The following OBSL1 variants were observed in gnomAD, a reference collection of about 807,000 sequenced individuals.
OBSL1 encodes the protein obscurin like cytoskeletal adaptor 1.
OBSL1 carries 160 observed loss-of-function variants against 172.0 expected under a neutral mutation model. The observed-to-expected ratio is 0.93, with a 90% CI of 0.82 to 1.06. The LOEUF (loss-of-function observed/expected upper bound fraction) is 1.06. OBSL1 is among the 50% of genes least tolerant of loss of function. The pLI is 0.00. For synonymous variants in OBSL1, 1,200 were observed against 1,196.3 expected, an observed-to-expected ratio of 1.00 and a Z score of -0.06; for missense variants, 2,681 against 2,715.4, an observed-to-expected ratio of 0.99 and a Z score of 0.28.
chr2:219,554,059 G>A (rs754022535), intron 15 of OBSL1, among the ~76,000 whole-genome samples: 1 of 152,008 alleles, frequency 6.6e-6, no homozygotes, highest in Non-Finnish European at 1.5e-5. Flanking sequence ...TAGTGATGTC[G>A]CCCGTAGGCA....
intron 5 of OBSL1, among the ~76,000 whole-genome samples, chr2:219,566,195 C>T (rs979323255): frequency 6.6e-6 from 1 of 152,216 alleles, no homozygotes; most frequent in Non-Finnish European, 1.5e-5. Context: ...GCCTGGCCAA[C>T]ATGGCGAAGC....
At chr2:219,570,113 A>ACCTCT in intron 1 of OBSL1, 108 bp downstream of exon 1, 1 of 991,172 alleles carries the variant, frequency 1.0e-6, no homozygotes, top group East Asian at 2.8e-5. Flanking sequence ...CCCGCGGACC[A>ACCTCT]CCTCTCCTCC....
At position 219,565,511 on chromosome 2, in the gene OBSL1, C is replaced by T. The variant is rs1332083236; in HGVS notation, c.2138G>A (p.Ser713Asn). Residue 713 changes from serine (S) to asparagine (N), a missense_variant, in exon 6 of 21, where the codon AGC (serine) becomes AAC (asparagine). Coordinates refer to ENST00000404537, the MANE Select transcript of OBSL1 (RefSeq NM_015311.3). ...QDSAALTIQE[S>N]PVHILSPQDR... ...CTGGGGGCTCAGGATGTGCACCGGG[C>T]TCTCTGTGTGGGGAGAAGTACAGAT... The T allele has an allele frequency of 1.2e-6, 2 of 1,605,788 alleles. No individual in the cohort carries two copies. Among genetic ancestry groups the T allele is most frequent in the African/African-American group, 1.3e-5 (1 of 75,040 alleles).
chr2:219,568,371 C>T lies in OBSL1; in HGVS notation c.1013-47G>A. The T allele has an allele frequency of 6.5e-7, 1 of 1,541,312 alleles. No homozygotes were observed. The highest frequency in any genetic ancestry group is 1.2e-5 in the South Asian group (1 of 83,166). On this transcript the variant is annotated intron_variant, in intron 1 of 20. Transcript: ENST00000404537. This position sits in a 1 kb window ranked among gnomAD's most constrained non-coding sequence, Gnocchi z 4.1. ...ACAAGAGAGGGCTCTGGAGAAGGCC[C>T]AGACTAGGAGTAGGATACCTAGAAG...
At chr2:219,548,352 C>G (rs947125131), downstream of OBSL1, among the ~76,000 whole-genome samples, 3 of 152,226 alleles carry the variant, frequency 2.0e-5, no homozygotes, top group African/African-American at 7.2e-5. Context: ...GGATTCAAGG[C>G]AGGCAGGAGA....
chr2:219,570,470 A>T lies in OBSL1; in HGVS notation c.763T>A (p.Phe255Ile). 1 of 1,612,530 alleles carries T rather than the reference A, an allele frequency of 6.2e-7. No homozygotes were observed. Residue 255 changes from phenylalanine (F) to isoleucine (I), a missense_variant, in exon 1 of 21, where the codon TTC becomes ATC. This residue lies in a region of OBSL1 where 706 missense variants were observed against 695.8 expected (regional missense o/e 1.01). Coordinates refer to ENST00000404537, the MANE Select transcript of OBSL1 (RefSeq NM_015311.3). Reference protein sequence around the residue: ...VEPLKCAPKTFWVNEGKHAKF... With the variant: ...VEPLKCAPKTIWVNEGKHAKF... Reference sequence around the variant, plus strand: ...GCGTGCTTGCCCTCGTTCACCCAGAAGGTCTTAGGCGCGCACTTGAGCGGC... The same window carrying T: ...GCGTGCTTGCCCTCGTTCACCCAGATGGTCTTAGGCGCGCACTTGAGCGGC...
At chr2:219,566,335 C>T (rs903673734) in intron 5 of OBSL1, among the ~76,000 whole-genome samples, 3 of 151,546 alleles carry the variant, frequency 2.0e-5, no homozygotes, top group Admixed American at 1.3e-4. Flanking sequence ...GCCGAGATCG[C>T]GCCATTGCAC....
Position 219,562,388 on chromosome 2 carries a change from G to A in OBSL1, c.2953+14C>T. Reference sequence around the variant, plus strand: ...CTGTCTCTGTGACCCCGGGGAGCTGGGCTGGGCCCACACCTGTGACGGTGA... The same window carrying A: ...CTGTCTCTGTGACCCCGGGGAGCTGAGCTGGGCCCACACCTGTGACGGTGA... On this transcript the variant is annotated intron_variant, in intron 8 of 20. Coordinates refer to ENST00000404537, the MANE Select transcript of OBSL1 (RefSeq NM_015311.3). The A allele has an allele frequency of 6.2e-7, 1 of 1,611,094 alleles. No individual in the cohort carries two copies. The highest frequency in any genetic ancestry group is 2.2e-5 in the East Asian group (1 of 44,828).
At chr2:219,563,111 T>A in intron 7 of OBSL1, 1 of 519,906 alleles carries the variant, frequency 1.9e-6, no homozygotes, top group Non-Finnish European at 3.4e-6. Context: ...AGATTTCCCT[T>A]GGTACAGGTT....
At chr2:219,567,195 C>A in intron 4 of OBSL1, 69 bp from the exon 5 acceptor site, 2 of 1,571,292 alleles carry the variant, frequency 1.3e-6, no homozygotes, top group South Asian at 1.2e-5. Flanking sequence ...TGGCGGATGG[C>A]AAGCCTGTGA....
chr2:219,565,311 C>G lies in OBSL1; in HGVS notation c.2338G>C (p.Val780Leu). ...KHRLILPEAK[V>L]QDSGEFECRT... ...CACTCAAACTCGCCACTGTCCTGGA[C>G]TTTGGCCTCAGGCAGGATCAGACGG... is the stretch of plus-strand genomic sequence containing the variant. The change falls in exon 6 of 21, where the codon GTC (valine) becomes CTC (leucine). Residue 780 changes from valine (V) to leucine (L), a missense_variant. Physicochemically the swap from Val to Leu is conservative, Grantham distance 32. Around this residue, in one of 5 missense-constraint regions of OBSL1, gnomAD observed 1,765 missense variants for 1,748.3 expected, o/e 1.01. Transcript: ENST00000404537. The G allele has an allele frequency of 6.2e-7, 1 of 1,614,040 alleles. No individual in the cohort carries two copies. Among genetic ancestry groups the G allele is most frequent in the Non-Finnish European group, 8.5e-7 (1 of 1,179,890 alleles).
rs767727544 is a variant in OBSL1, at chr2:219,568,042, C to A, written c.1282+13G>T. Reference sequence around the variant, plus strand: ...TGCCTCCGCCTCAGCCTCTTCCCCACGGGCCAGCTGACCTTTGACTGTGAC... The same window carrying A: ...TGCCTCCGCCTCAGCCTCTTCCCCAAGGGCCAGCTGACCTTTGACTGTGAC... On this transcript the variant is annotated intron_variant, in intron 2 of 20. Coordinates refer to ENST00000404537, the MANE Select transcript of OBSL1 (RefSeq NM_015311.3). The surrounding 1 kb of genome is among the most constrained non-coding windows in gnomAD (Gnocchi z 4.1). The A allele has an allele frequency of 1.9e-6, 3 of 1,608,434 alleles. No individual in the cohort carries two copies. The highest frequency in any genetic ancestry group is 2.2e-5 in the East Asian group (1 of 44,710).
In OBSL1 at chr2:219,565,655, T is replaced by G. The variant is rs2106086319; in HGVS notation, c.2135-141A>C. On this transcript the variant is annotated intron_variant, in intron 5 of 20. Coordinates refer to ENST00000404537, the MANE Select transcript of OBSL1 (RefSeq NM_015311.3). ...CCACACCAACCCTTAAGAGCAGTGC[T>G]TTGGCTGTGCATAAGAATTCCTAGG... The G allele has an allele frequency of 1.3e-5, 10 of 781,780 alleles. 1 individual carries two copies. In the South Asian group the frequency reaches 1.9e-4, roughly 15 times the overall value. 48.4% of individuals were successfully genotyped at this position (781,780 alleles called of 1,614,324 possible).
downstream of OBSL1, among the ~76,000 whole-genome samples, chr2:219,549,516 G>C (rs1366501657): frequency 6.6e-6 from 1 of 152,206 alleles, no homozygotes; most frequent in African/African-American, 2.4e-5. Context: ...GGCTTGGCGG[G>C]TCCAGCTGGT....
At chr2:219,561,965 T>C (rs886827030) in intron 8 of OBSL1, 1 of 717,456 alleles carries the variant, frequency 1.4e-6, no homozygotes, top group Non-Finnish European at 2.6e-6. Context: ...AGAGGACGCA[T>C]AACTCCGGAT....
At position 219,556,175 on chromosome 2, in the gene OBSL1, C is replaced by T. The variant is rs548462567; in HGVS notation, c.4454G>A (p.Arg1485Gln). ...GTCGTGGGGCAGGGGCTGCCCACCTCGCACCCAGCGCACGGCCCCCGCTGC... is the reference window on the plus strand; with the variant it reads ...GTCGTGGGGCAGGGGCTGCCCACCTTGCACCCAGCGCACGGCCCCCGCTGC... ...VGAAGAVRWV[R>Q]GGQPLPHDSR... is the part of the protein sequence containing the mutation. The change falls in exon 14 of 21, where the codon CGA becomes CAA. Residue 1485 changes from arginine to glutamine, a missense_variant. By Grantham distance (43) the Arg-to-Gln change is conservative. Coordinates refer to ENST00000404537, the MANE Select transcript of OBSL1 (RefSeq NM_015311.3). The T allele has an allele frequency of 6.8e-5, 110 of 1,612,958 alleles. No homozygotes were observed. The highest frequency in any genetic ancestry group is 1.0e-4 in the Admixed American group (6 of 59,924).
intron 12 of OBSL1, 158 bp from the exon 13 acceptor site, chr2:219,556,881 T>C (rs975251419): frequency 3.9e-6 from 3 of 767,966 alleles, no homozygotes; most frequent in Non-Finnish European, 6.1e-6. Flanking sequence ...AAGGACAAGA[T>C]GCCAGCTCCC....
At chr2:219,563,182 G>C in intron 7 of OBSL1, 173 bp downstream of exon 7, 1 of 651,802 alleles carries the variant, frequency 1.5e-6, no homozygotes, top group Non-Finnish European at 2.6e-6. Flanking sequence ...ATGATAACAC[G>C]TTTCCTGAAT....
At chr2:219,550,084 G>T (rs1695523928), downstream of OBSL1, 1 of 561,350 alleles carries the variant, frequency 1.8e-6, no homozygotes, top group Non-Finnish European at 3.1e-6. Context: ...CCCCATTGGG[G>T]TGTGCTCAGG....
Sources: allele counts gnomAD v4.1 joint callset (sites outside exome capture counted in the v4.1 genomes callset), GRCh38; gene constraint gnomAD v4.1.1; regional missense constraint gnomAD v4.1.1; non-coding constraint Gnocchi (gnomAD v3.1); transcripts MANE v1.5; gene names NCBI Gene and HGNC (gene_info 2026-07-23, HGNC 2026-07-21).